ANKRD54: variants seen among roughly 807,000 people sequenced by gnomAD.
The protein encoded by ANKRD54 is ankyrin repeat domain 54, also known as ankyrin repeat domain-containing protein 54.
Under a neutral mutation model 36.2 loss-of-function variants are expected in ANKRD54, and 26 were observed. The observed-to-expected ratio is 0.72, with a 90% CI of 0.53 to 1.00. The LOEUF (loss-of-function observed/expected upper bound fraction) is 1.00. ANKRD54 is among the 50% of genes least tolerant of loss of function. The pLI is 0.00. For synonymous variants in ANKRD54, 209 were observed against 188.4 expected, an observed-to-expected ratio of 1.11 and a Z score of -0.89; for missense variants, 384 against 424.3, an observed-to-expected ratio of 0.91 and a Z score of 0.83.
intron 1 of ANKRD54, among the ~76,000 whole-genome samples, chr22:37,841,853 A>C (rs1375456230): frequency 4.5e-5 from 2 of 44,208 alleles, no homozygotes; most frequent in Non-Finnish European, 7.3e-5. Context: ...GTCTCAAAAT[A>C]AATAAATAAA....
intron 1 of ANKRD54, among the ~76,000 whole-genome samples, chr22:37,841,261 C>G (rs1161109668): frequency 6.6e-6 from 1 of 152,036 alleles, no homozygotes; most frequent in Non-Finnish European, 1.5e-5. Context: ...CGTGGTGACT[C>G]ACGCCTGTAA....
chr22:37,834,697 C>CAAAAAA (rs67811223), intron 3 of ANKRD54: 103 of 43,420 alleles, frequency 2.4e-3, no homozygotes, highest in East Asian at 2.7e-3. Context: ...GACCCTGTCT[C>CAAAAAA]AAAAAAAAAA....
intron 1 of ANKRD54, 124 bp from the exon 2 acceptor site, chr22:37,840,358 A>G (rs1924074368): frequency 2.0e-6 from 2 of 1,012,406 alleles, no homozygotes; most frequent in South Asian, 2.6e-5. Context: ...GGAGATCGAG[A>G]CCATCCTGGC....
chr22:37,832,694 C>T lies in ANKRD54; in HGVS notation c.771G>A (p.Gln257=). ...TGCAGAGGTCATCCAGGCGTTCTCG[C>T]TGCTCATGTTGCCCTAGGCGCTCCA... The part of the protein sequence containing the change: ...EYLERLGQHE[Q]RERLDDLCTR... The change falls in exon 7 of 8, where the codon CAG becomes CAA. Residue 257 remains glutamine (Q), a synonymous_variant. Transcript: ENST00000215941. The T allele has an allele frequency of 6.2e-7, 1 of 1,614,186 alleles. No homozygotes were observed. The highest frequency in any genetic ancestry group is 2.2e-5 in the East Asian group (1 of 44,888).
upstream of ANKRD54, chr22:37,847,700 C>T: frequency 2.1e-6 from 1 of 481,186 alleles, no homozygotes; most frequent in South Asian, 1.6e-5. Flanking sequence ...TGTTGGGGAC[C>T]CTCCCTGAAC....
At position 37,843,949 on chromosome 22, in the gene ANKRD54, G is replaced by A; in HGVS notation, c.290C>T (p.Pro97Leu). ...GCCCGTGGGCCCGAGCCGCCGGTGG[G>A]GCCTGGCAGCGCGCCTCAGCCGGCC... ...PAGRLRRAARPHRRLGPTGKE... is the reference protein window; with the variant it reads ...PAGRLRRAARLHRRLGPTGKE... Residue 97 changes from proline to leucine, a missense_variant, in exon 1 of 8, where the codon CCC becomes CTC. Physicochemically the swap from Pro to Leu is moderately conservative, Grantham distance 98. Transcript: ENST00000215941. 7.2e-7 allele frequency: 1 copy of A among 1,389,494 alleles called. No individual in the cohort carries two copies. The highest frequency in any genetic ancestry group is 9.3e-7 in the Non-Finnish European group (1 of 1,074,608). 86.1% of individuals were successfully genotyped at this position (1,389,494 alleles called of 1,614,324 possible).
intron 1 of ANKRD54, 47 bp from the exon 2 acceptor site, chr22:37,840,281 G>A: frequency 6.2e-7 from 1 of 1,603,416 alleles, no homozygotes; most frequent in Non-Finnish European, 8.5e-7. Context: ...AGCCATGGCT[G>A]GGTGCGGTGG....
At chr22:37,846,180 G>T (rs553557593), upstream of ANKRD54, among the ~76,000 whole-genome samples, 41 of 147,004 alleles carry the variant, frequency 2.8e-4, no homozygotes, top group Admixed American at 2.0e-3. Flanking sequence ...ATCTCAAAAA[G>T]AAAAAAAAAA....
rs949727021 is a variant in ANKRD54 at position 37,833,697 on chromosome 22, C to T, written c.534G>A (p.Thr178=). 42 of 1,613,974 alleles carry T rather than the reference C, an allele frequency of 2.6e-5. No individual in the cohort carries two copies. Among genetic ancestry groups the T allele is most frequent in the African/African-American group, 1.3e-5 (1 of 74,918 alleles). The change falls in exon 4 of 8, where the codon ACG becomes ACA. Residue 178 remains threonine, a synonymous_variant. Coordinates refer to ENST00000215941, the MANE Select transcript of ANKRD54 (RefSeq NM_138797.4). ...TGACATGCTTACCCAGGTGCAGTGG[C>T]GTGTTCCCCAGCCCATCTCGCTGGT... ...DPNQRDGLGN[T]PLHLAACTNH...
chr22:37,834,062 T>C, intron 3 of ANKRD54: 1 of 335,918 alleles, frequency 3.0e-6, no homozygotes, highest in Non-Finnish European at 5.7e-6. Flanking sequence ...GTCCAGGGCA[T>C]TTTCTGCTTC....
chr22:37,842,503 A>T (rs1924401982), intron 1 of ANKRD54, among the ~76,000 whole-genome samples: 1 of 152,216 alleles, frequency 6.6e-6, no homozygotes, highest in Non-Finnish European at 1.5e-5. Flanking sequence ...TTTACACAGA[A>T]GCTCTTTGTG....
At chr22:37,837,609 C>A (rs8136241) in intron 3 of ANKRD54, among the ~76,000 whole-genome samples, 1 of 152,152 alleles carries the variant, frequency 6.6e-6, no homozygotes, top group Non-Finnish European at 1.5e-5. Flanking sequence ...TGAGTGGGGT[C>A]CTGGAACCAA....
rs562364897 is a variant in ANKRD54 at position 37,832,794 on chromosome 22, A to G, written c.721-50T>C. 4 of 1,607,334 alleles carry G rather than the reference A, an allele frequency of 2.5e-6. No individual in the cohort carries two copies. The African/African-American group carries it at 5.3e-5, about 21-fold the overall frequency. On this transcript the variant is annotated intron_variant, in intron 6 of 7. Transcript: ENST00000215941. ...TGCCTGGGTTCCTAGGGAGGCAGAC[A>G]GGCTGATGCTGCTTCCAAAAAGCAC...
chr22:37,840,276 T>C (rs769248405), intron 1 of ANKRD54, 42 bp from the exon 2 acceptor site: 16 of 1,607,262 alleles, frequency 1.0e-5, no homozygotes, highest in East Asian at 2.2e-5. Context: ...AAAACAGCCA[T>C]GGCTGGGTGC....
In ANKRD54 at chr22:37,844,019, G is replaced by A; in HGVS notation, c.220C>T (p.Gln74Ter). ...PLRYLHVLWQ[Q>*]DAEPRDELRC... ...AGCTCGTCGCGCGGCTCCGCATCCTGCTGCCACAGGACGTGCAAGTAGCGC... is the reference window on the plus strand; with the variant it reads ...AGCTCGTCGCGCGGCTCCGCATCCTACTGCCACAGGACGTGCAAGTAGCGC... Residue 74 changes from glutamine (Q) to a stop codon, truncating the protein, a stop_gained, in exon 1 of 8, where the codon CAG becomes TAG. Coordinates refer to ENST00000215941, the MANE Select transcript of ANKRD54 (RefSeq NM_138797.4). LOFTEE classifies it high-confidence loss of function. The A allele has an allele frequency of 7.0e-7, 1 of 1,433,154 alleles. No individual in the cohort carries two copies. The highest frequency in any genetic ancestry group is 9.1e-7 in the Non-Finnish European group (1 of 1,098,400). 88.8% of individuals were successfully genotyped at this position (1,433,154 alleles called of 1,614,324 possible).
intron 3 of ANKRD54, among the ~76,000 whole-genome samples, chr22:37,837,382 C>A (rs1923684233): frequency 6.6e-6 from 1 of 152,140 alleles, no homozygotes; most frequent in Non-Finnish European, 1.5e-5. Context: ...ATTCATAAAG[C>A]TAAAACCTGG....
intron 4 of ANKRD54, 127 bp from the exon 5 acceptor site, chr22:37,833,333 G>A: frequency 9.3e-6 from 11 of 1,177,122 alleles, no homozygotes; most frequent in South Asian, 1.3e-5. Context: ...AGAAGGTATC[G>A]CCAAGGCACA....
At chr22:37,841,963 C>G (rs1924333336) in intron 1 of ANKRD54, among the ~76,000 whole-genome samples, 1 of 151,740 alleles carries the variant, frequency 6.6e-6, no homozygotes, top group South Asian at 2.1e-4. Flanking sequence ...ACTTGGGAGG[C>G]TGAGACACGA....
chr22:37,847,580 C>A (rs1924909387), upstream of ANKRD54: 1 of 453,762 alleles, frequency 2.2e-6, no homozygotes, highest in African/African-American at 2.1e-5. Context: ...TTGGTTAGAT[C>A]AGATCTCTTT....
Sources: gnomAD v4.1 joint callset for allele counts (sites outside exome capture counted in the v4.1 genomes callset) on GRCh38, gnomAD v4.1.1 for gene constraint, MANE v1.5 for transcripts, NCBI Gene and HGNC (gene_info 2026-07-23, HGNC 2026-07-21) for gene names.